EYS: variants seen among roughly 807,000 people sequenced by gnomAD.
EYS encodes protein eyes shut homolog.
Under a neutral mutation model 282.1 loss-of-function variants are expected in EYS, and 250 were observed. The observed-to-expected ratio is 0.89, with a 90% CI of 0.80 to 0.98. The LOEUF is 0.98. EYS is among the 50% of genes least tolerant of loss of function. The probability of loss-of-function intolerance (pLI) is 0.00; values close to 1 mark genes in which losing one functional copy is unlikely to be tolerated. For synonymous variants in EYS, 1,355 were observed against 1,282.9 expected (o/e 1.06, Z -1.20); for missense variants, 4,016 against 3,709.0 (o/e 1.08, Z -2.15).
At chr6:63,761,728 G>A (rs1158279306) in intron 41 of EYS, among the ~76,000 whole-genome samples, 1 of 152,076 alleles carries the variant, frequency 6.6e-6, no homozygotes, top group South Asian at 2.1e-4. Context: ...GCAGGATAGA[G>A]AAATAGTAGA....
At chr6:64,539,408 A>AAAAAT (rs1391416156) in intron 26 of EYS, among the ~76,000 whole-genome samples, 1 of 152,024 alleles carries the variant, frequency 6.6e-6, no homozygotes, top group Non-Finnish European at 1.5e-5. Context: ...CTAGAAAAAT[A>AAAAAT]AAAATAAAAT....
chr6:64,593,032 A>C (rs918663141), intron 25 of EYS, 85 bp downstream of exon 25: 1 of 1,003,382 alleles, frequency 1.0e-6, no homozygotes. Flanking sequence ...GAAAAAAAAA[A>C]GATTTTAATA....
chr6:64,106,787 C>T (rs1393921326), intron 31 of EYS, among the ~76,000 whole-genome samples: 1 of 151,826 alleles, frequency 6.6e-6, no homozygotes, highest in Non-Finnish European at 1.5e-5. Context: ...CCTTTTTCTT[C>T]TTCTGATATT....
intron 26 of EYS, among the ~76,000 whole-genome samples, chr6:64,549,063 C>T (rs904968427): frequency 4.6e-5 from 7 of 152,166 alleles, no homozygotes; most frequent in African/African-American, 1.4e-4. Flanking sequence ...TTATCAAATT[C>T]GGTTCTTTCT....
At chr6:64,217,797 GA>G (rs1249696503) in intron 31 of EYS, among the ~76,000 whole-genome samples, 2 of 152,050 alleles carry the variant, frequency 1.3e-5, no homozygotes, top group African/African-American at 4.8e-5. Flanking sequence ...CAAATCTTAT[GA>G]AAGTTAGAGT....
At chr6:64,364,181 T>C (rs148673160) in intron 29 of EYS, among the ~76,000 whole-genome samples, 24 of 151,988 alleles carry the variant, frequency 1.6e-4, no homozygotes, top group Non-Finnish European at 3.1e-4. Context: ...CGTAATTCCA[T>C]AAAAAATTCT....
intron 40 of EYS, among the ~76,000 whole-genome samples, chr6:63,772,153 A>T (rs1010332325): frequency 3.3e-4 from 48 of 147,506 alleles, no homozygotes; most frequent in Middle Eastern, 3.5e-3. Context: ...GAAATTTTTT[A>T]AAAAAAAAGA....
rs560625355 is a variant in EYS at position 64,347,132 on chromosome 6, A to T, written c.6079-40050T>A. Among the ~76,000 whole-genome samples the T allele has an allele frequency of 2.0e-5, 3 of 151,506 alleles. No individual in the cohort carries two copies. In the East Asian group the frequency reaches 5.9e-4, roughly 30 times the overall value. On this transcript the variant is annotated intron_variant, in intron 29 of 42. Transcript: ENST00000503581. ...ATGAAGGCACTAGTTTCTTCAAAAA[A>T]ATTTTTGCTCAAATAATAAAACAGA...
chr6:64,545,365 G>A lies in EYS; in HGVS notation c.5644+44858C>T, dbSNP rs569792843. On this transcript the variant is annotated intron_variant, in intron 26 of 42. Coordinates refer to ENST00000503581, the MANE Select transcript of EYS (RefSeq NM_001142800.2). ...TCAATAAATTAGGTATTGATGGGAC[G>A]TATCTCAAAATAATAAGAGCTATCT... Among the ~76,000 whole-genome samples the A allele has an allele frequency of 1.5e-3, 221 of 152,178 alleles. 3 individuals are homozygous for A. Among genetic ancestry groups the A allele is most frequent in the Middle Eastern group, 3.4e-3 (1 of 294 alleles).
chr6:64,378,656 T>C (rs1772644861), intron 29 of EYS, among the ~76,000 whole-genome samples: 1 of 152,062 alleles, frequency 6.6e-6, no homozygotes, highest in African/African-American at 2.4e-5. Context: ...GAAGGTAGAG[T>C]CTCTATTTTG....
At chr6:64,932,176 T>C (rs1296750409) in intron 15 of EYS, among the ~76,000 whole-genome samples, 1 of 152,026 alleles carries the variant, frequency 6.6e-6, no homozygotes, top group Non-Finnish European at 1.5e-5. Context: ...TCAATGGACT[T>C]GAAATCCAAT....
At chr6:65,652,709 T>G (rs1203522087) in intron 1 of EYS, among the ~76,000 whole-genome samples, 1 of 151,930 alleles carries the variant, frequency 6.6e-6, no homozygotes, top group Non-Finnish European at 1.5e-5. Context: ...AACTTTCCCC[T>G]AAAATACAGT....
At chr6:64,336,913 A>G (rs1025182861) in intron 29 of EYS, among the ~76,000 whole-genome samples, 9 of 152,078 alleles carry the variant, frequency 5.9e-5, no homozygotes, top group African/African-American at 2.2e-4. Context: ...AAATTTAAAA[A>G]TTCTTCAAAC....
intron 28 of EYS, among the ~76,000 whole-genome samples, chr6:64,408,820 G>T (rs970408174): frequency 6.6e-6 from 1 of 151,998 alleles, no homozygotes; most frequent in Admixed American, 6.6e-5. Flanking sequence ...CTATGTTGAG[G>T]GCATACATGT....
chr6:63,968,638 C>T (rs921687043), intron 35 of EYS, among the ~76,000 whole-genome samples: 7 of 152,082 alleles, frequency 4.6e-5, no homozygotes, highest in African/African-American at 1.4e-4. Context: ...CTACAAGGCT[C>T]GAAAGGTGAA....
chr6:64,689,269 G>A (rs1310209577), intron 22 of EYS, among the ~76,000 whole-genome samples: 2 of 152,172 alleles, frequency 1.3e-5, no homozygotes, highest in African/African-American at 4.8e-5. Flanking sequence ...TGCAAGGGAT[G>A]TGAAGGACCT....
Position 64,230,678 on chromosome 6 carries a change from G to T in EYS, c.6338C>A (p.Thr2113Lys). 1 of 1,551,566 alleles carries T rather than the reference G, an allele frequency of 6.4e-7. No homozygotes were observed. Among genetic ancestry groups the T allele is most frequent in the Non-Finnish European group, 8.7e-7 (1 of 1,146,886 alleles). Residue 2113 changes from threonine to lysine, a missense_variant, in exon 31 of 43, where the codon ACA (threonine) becomes AAA (lysine). Coordinates refer to ENST00000503581, the MANE Select transcript of EYS (RefSeq NM_001142800.2). ...ACTGGAGAGGAAGATGGCATGGCAT[G>T]TGCCTCCATTGTGGCATACATCCTG... is the stretch of plus-strand genomic sequence containing the variant. ...CQQDVCHNGG[T>K]CHAIFLSSGI... is the part of the protein sequence containing the mutation.
chr6:64,068,902 T>C (rs548170705), intron 32 of EYS, among the ~76,000 whole-genome samples: 3 of 151,782 alleles, frequency 2.0e-5, no homozygotes, highest in South Asian at 4.2e-4. Flanking sequence ...ATTAAGGAGC[T>C]TGAAATGGAG....
chr6:64,742,443 G>A (rs1265256574), intron 22 of EYS, among the ~76,000 whole-genome samples: 1 of 152,124 alleles, frequency 6.6e-6, no homozygotes, highest in Non-Finnish European at 1.5e-5. Context: ...AGCACCTACT[G>A]TGGCAAAAAT....
Sources: gnomAD v4.1 joint callset for allele counts (sites outside exome capture counted in the v4.1 genomes callset) on GRCh38, gnomAD v4.1.1 for gene constraint, MANE v1.5 for transcripts, NCBI Gene and HGNC (gene_info 2026-07-23, HGNC 2026-07-21) for gene names.